The following ITPR2 variants were observed in gnomAD, a reference collection of about 807,000 sequenced individuals.
ITPR2 encodes the protein inositol 1,4,5-trisphosphate-gated calcium channel ITPR2.
In ITPR2, 207 loss-of-function variants were observed where a neutral mutation model predicts 317.1. The ratio of observed to expected loss-of-function variants is 0.65; its 90% CI spans 0.58 to 0.73. The LOEUF is 0.73. Among genes scored for constraint, ITPR2 ranks in the 30% least tolerant of loss-of-function variants. The pLI is 0.00. For missense variants in ITPR2, 2,613 were observed against 3,284.0 expected (o/e 0.80, Z 4.99); for synonymous variants, 1,156 against 1,149.1 (o/e 1.01, Z -0.12).
At chr12:26,825,657 AC>A (rs1950999053) in intron 1 of ITPR2, among the ~76,000 whole-genome samples, 1 of 152,224 alleles carries the variant, frequency 6.6e-6, no homozygotes, top group African/African-American at 2.4e-5. Flanking sequence ...GTGGTTGTTT[AC>A]TTGACTGAGC....
intron 2 of ITPR2, among the ~76,000 whole-genome samples, chr12:26,767,633 C>T (rs1182249437): frequency 1.3e-5 from 2 of 152,164 alleles, no homozygotes; most frequent in Admixed American, 6.5e-5. Flanking sequence ...CTTGTACATG[C>T]ATATATATTT....
At chr12:26,683,524 T>C (rs1948074673) in intron 11 of ITPR2, among the ~76,000 whole-genome samples, 1 of 152,224 alleles carries the variant, frequency 6.6e-6, no homozygotes, top group Admixed American at 6.5e-5. Flanking sequence ...GCATGAATTA[T>C]AGTGCTGTTG....
intron 41 of ITPR2, among the ~76,000 whole-genome samples, chr12:26,485,874 TGAG>T (rs1442855990): frequency 6.6e-6 from 1 of 152,210 alleles, no homozygotes; most frequent in East Asian, 1.9e-4. Flanking sequence ...CTAAAAATAT[TGAG>T]GAGGATGACA....
At chr12:26,728,710 C>T (rs1948976942) in intron 2 of ITPR2, among the ~76,000 whole-genome samples, 1 of 152,140 alleles carries the variant, frequency 6.6e-6, no homozygotes, top group Admixed American at 6.5e-5. Context: ...AATAAAAGTG[C>T]TAATACCTGC....
chr12:26,784,268 T>TCGCC (rs1565762079), intron 2 of ITPR2, among the ~76,000 whole-genome samples: 5 of 8,958 alleles, frequency 5.6e-4, no homozygotes, highest in Non-Finnish European at 1.7e-3. Flanking sequence ...TCCCTCTCCC[T>TCGCC]CTCCCTCTCC....
chr12:26,438,605 G>A (rs1941415128), intron 47 of ITPR2, among the ~76,000 whole-genome samples: 1 of 152,170 alleles, frequency 6.6e-6, no homozygotes, highest in Admixed American at 6.5e-5. Context: ...TTTTTAACTG[G>A]AATATTATAA....
intron 55 of ITPR2, among the ~76,000 whole-genome samples, chr12:26,355,730 T>C (rs1220254866): frequency 1.3e-5 from 2 of 152,168 alleles, no homozygotes; most frequent in African/African-American, 4.8e-5. Context: ...AATCCCTATT[T>C]TTTCCCCTCA....
intron 55 of ITPR2, among the ~76,000 whole-genome samples, chr12:26,380,672 A>T (rs1395515945): frequency 6.6e-6 from 1 of 152,250 alleles, no homozygotes; most frequent in Non-Finnish European, 1.5e-5. Context: ...ATATAATTTC[A>T]TAATTATGAC....
At chr12:26,812,821 G>C (rs1177893376) in intron 1 of ITPR2, among the ~76,000 whole-genome samples, 1 of 152,184 alleles carries the variant, frequency 6.6e-6, no homozygotes, top group Non-Finnish European at 1.5e-5. Flanking sequence ...AGACCCAAGG[G>C]CTTGAGCAGC....
At chr12:26,820,096 C>A (rs1317010945) in intron 1 of ITPR2, among the ~76,000 whole-genome samples, 3 of 151,992 alleles carry the variant, frequency 2.0e-5, no homozygotes, top group Non-Finnish European at 2.9e-5. Context: ...AGGCCATGTA[C>A]ATTACTTTTT....
chr12:26,397,414 C>T (rs1166125750), intron 54 of ITPR2, among the ~76,000 whole-genome samples: 1 of 151,940 alleles, frequency 6.6e-6, no homozygotes, highest in Non-Finnish European at 1.5e-5. Context: ...CTTCTAAAGG[C>T]TTTCCTGACT....
At chr12:26,704,599 A>G (rs2137008569) in intron 9 of ITPR2, among the ~76,000 whole-genome samples, 1 of 127,074 alleles carries the variant, frequency 7.9e-6, no homozygotes. Flanking sequence ...GCTAGTTATT[A>G]ATAATGATAA....
chr12:26,798,372 G>A (rs183280990), intron 1 of ITPR2, among the ~76,000 whole-genome samples: 66 of 152,246 alleles, frequency 4.3e-4, no homozygotes, highest in African/African-American at 1.5e-3. Flanking sequence ...TGTGACTAGA[G>A]TTGGCTTGTC....
chr12:26,622,148 G>A, intron 25 of ITPR2, 92 bp downstream of exon 25: 2 of 1,166,210 alleles, frequency 1.7e-6, no homozygotes, highest in Non-Finnish European at 2.4e-6. Context: ...GCCACACAGT[G>A]TCATTACCTC....
chr12:26,636,399 GTC>G (rs1591985058), intron 21 of ITPR2, among the ~76,000 whole-genome samples: 1 of 152,198 alleles, frequency 6.6e-6, no homozygotes, highest in Admixed American at 6.5e-5. Flanking sequence ...AGGACAGGGA[GTC>G]TACCTTTTTC....
chr12:26,807,158 C>T (rs1307310452), intron 1 of ITPR2, among the ~76,000 whole-genome samples: 5 of 151,532 alleles, frequency 3.3e-5, no homozygotes, highest in African/African-American at 7.3e-5. Context: ...CACTGCACTC[C>T]GGCCTGGGTA....
At chr12:26,497,702 C>G (rs1565562199) in intron 37 of ITPR2, among the ~76,000 whole-genome samples, 1 of 144,066 alleles carries the variant, frequency 6.9e-6, no homozygotes. Flanking sequence ...TGTCATAGTG[C>G]CAAGAATTTT....
intron 39 of ITPR2, among the ~76,000 whole-genome samples, chr12:26,488,212 A>C (rs1442812780): frequency 1.3e-5 from 2 of 152,188 alleles, no homozygotes; most frequent in Non-Finnish European, 1.5e-5. Flanking sequence ...TAAATTAATA[A>C]AGATAATAAC....
chr12:26,675,066 T>C (rs1947876487), intron 13 of ITPR2, among the ~76,000 whole-genome samples: 1 of 151,924 alleles, frequency 6.6e-6, no homozygotes, highest in South Asian at 2.1e-4. Flanking sequence ...GGAGAGGATG[T>C]GGAGAAATAG....
Sources: allele counts gnomAD v4.1 joint callset (sites outside exome capture counted in the v4.1 genomes callset), GRCh38; gene constraint gnomAD v4.1.1; transcripts MANE v1.5; gene names NCBI Gene and HGNC (gene_info 2026-07-23, HGNC 2026-07-21).